Variants in KSR2 observed in about 807,000 individuals in gnomAD.
The protein encoded by KSR2 is kinase suppressor of ras 2.
A neutral mutation model predicts 107.8 loss-of-function variants in KSR2; 25 were observed. That is an observed-to-expected ratio of 0.23 (90% confidence interval 0.17 to 0.32). The LOEUF (loss-of-function observed/expected upper bound fraction) is 0.32. Among genes scored for constraint, KSR2 ranks in the 10% least tolerant of loss-of-function variants. The pLI is 1.00. For synonymous variants in KSR2, 480 were observed against 507.0 expected (o/e 0.95, Z 0.71); for missense variants, 887 against 1,268.9 (o/e 0.70, Z 4.57).
At chr12:117,917,636 T>C (rs1209500502) in intron 1 of KSR2, among the ~76,000 whole-genome samples, 1 of 152,190 alleles carries the variant, frequency 6.6e-6, no homozygotes, top group Non-Finnish European at 1.5e-5. Flanking sequence ...TAGGGGGCTA[T>C]GTGTTGCCAT....
chr12:117,532,203 C>A (rs537669015), intron 10 of KSR2, among the ~76,000 whole-genome samples: 4 of 152,322 alleles, frequency 2.6e-5, no homozygotes, highest in South Asian at 4.1e-4. Context: ...ACAAATGTAT[C>A]CTCCTACAGT....
chr12:117,871,797 T>C (rs1654164019), intron 1 of KSR2, among the ~76,000 whole-genome samples: 1 of 151,766 alleles, frequency 6.6e-6, no homozygotes, highest in South Asian at 2.1e-4. Flanking sequence ...ATTTCTGTCC[T>C]TCTATATCTT....
intron 1 of KSR2, among the ~76,000 whole-genome samples, chr12:117,963,849 G>GTCCAGCA (rs1896724645): frequency 1.3e-5 from 2 of 152,090 alleles, no homozygotes; most frequent in Non-Finnish European, 2.9e-5. Flanking sequence ...CTGGTTTGTT[G>GTCCAGCA]TTCTTGTCCA....
At chr12:117,516,065 C>T (rs542997355) in intron 14 of KSR2, among the ~76,000 whole-genome samples, 2 of 152,266 alleles carry the variant, frequency 1.3e-5, no homozygotes, top group East Asian at 3.9e-4. Flanking sequence ...TTCTTGGTCC[C>T]CTTGCAGAAT....
At chr12:117,632,260 T>C (rs1350876429) in intron 5 of KSR2, among the ~76,000 whole-genome samples, 1 of 126,274 alleles carries the variant, frequency 7.9e-6, no homozygotes, top group Non-Finnish European at 1.6e-5. Flanking sequence ...TATCTCACAC[T>C]GTCACCTGGG....
At chr12:117,704,150 C>A (rs948788621) in intron 4 of KSR2, among the ~76,000 whole-genome samples, 18 of 152,086 alleles carry the variant, frequency 1.2e-4, no homozygotes, top group African/African-American at 4.3e-4. Flanking sequence ...ATATTCATGT[C>A]TTGGTGGTGA....
chr12:117,690,171 A>G (rs1408374762), intron 4 of KSR2, among the ~76,000 whole-genome samples: 2 of 152,236 alleles, frequency 1.3e-5, no homozygotes, highest in Non-Finnish European at 2.9e-5. Flanking sequence ...TACCAAGTCC[A>G]CGAGGGCAAA....
intron 1 of KSR2, among the ~76,000 whole-genome samples, chr12:117,906,407 G>A (rs531805257): frequency 4.8e-5 from 7 of 146,210 alleles, no homozygotes; most frequent in East Asian, 4.1e-4. Context: ...TCAGGAGTTC[G>A]AGACCAGCCT....
At chr12:117,945,635 T>C (rs988248017) in intron 1 of KSR2, among the ~76,000 whole-genome samples, 1 of 152,064 alleles carries the variant, frequency 6.6e-6, no homozygotes, top group African/African-American at 2.4e-5. Flanking sequence ...GGTCGTGCCA[T>C]TGCACTCCAG....
intron 1 of KSR2, among the ~76,000 whole-genome samples, chr12:117,902,439 T>C (rs567795195): frequency 1.4e-5 from 2 of 141,564 alleles, no homozygotes; most frequent in East Asian, 4.1e-4. Context: ...GAGGCTGCAG[T>C]GAGCTGAGAC....
chr12:117,642,963 A>G (rs1029922222), intron 5 of KSR2, among the ~76,000 whole-genome samples: 1 of 152,214 alleles, frequency 6.6e-6, no homozygotes, highest in Non-Finnish European at 1.5e-5. Context: ...TTATCTGCTC[A>G]TTCATCTACT....
At chr12:117,553,253 G>A (rs564397607) in intron 9 of KSR2, among the ~76,000 whole-genome samples, 9 of 152,294 alleles carry the variant, frequency 5.9e-5, no homozygotes, top group South Asian at 4.1e-4. Flanking sequence ...TAAAAATGGC[G>A]GGTGAGATAG....
chr12:117,574,892 G>GGAA (rs1555217747), intron 7 of KSR2, among the ~76,000 whole-genome samples: 2 of 115,350 alleles, frequency 1.7e-5, no homozygotes, highest in South Asian at 3.0e-4. Context: ...TGCTCTGGGT[G>GGAA]AAAAAAAAAA....
chr12:117,642,542 A>G (rs1883425722), intron 5 of KSR2, among the ~76,000 whole-genome samples: 1 of 152,188 alleles, frequency 6.6e-6, no homozygotes, highest in Non-Finnish European at 1.5e-5. Context: ...GACCCTGAGA[A>G]AGCTGCTTAA....
chr12:117,541,063 G>A (rs1389934712), intron 9 of KSR2, among the ~76,000 whole-genome samples: 1 of 152,218 alleles, frequency 6.6e-6, no homozygotes, highest in Non-Finnish European at 1.5e-5. Flanking sequence ...AGTGCACAGG[G>A]CTGCATGAAG....
intron 3 of KSR2, among the ~76,000 whole-genome samples, chr12:117,828,281 T>C (rs2723285): frequency 0.68 from 102,974 of 152,044 alleles, 35,568 homozygotes; most frequent in African/African-American, 0.8. Context: ...AATCACTTGT[T>C]TCAACCTATG....
chr12:117,474,644 T>C lies in KSR2; in HGVS notation c.2582+1820A>G, dbSNP rs75029320. Among the ~76,000 whole-genome samples, 1,081 of 152,258 alleles carry C rather than the reference T, an allele frequency of 7.1e-3. 15 individuals are homozygous for C. Among genetic ancestry groups the C allele is most frequent in the African/African-American group, 0.024 (1,015 of 41,544 alleles). On this transcript the variant is annotated intron_variant, in intron 17 of 19. Coordinates refer to ENST00000339824, the MANE Select transcript of KSR2 (RefSeq NM_173598.6). ...AGCCTAGAAGCCTTTCTGGCTATAT[T>C]TTCTCAGGGCACTCTTCCCTGCATC...
At chr12:117,873,288 T>G (rs1482825178) in intron 1 of KSR2, among the ~76,000 whole-genome samples, 1 of 146,472 alleles carries the variant, frequency 6.8e-6, no homozygotes, top group Non-Finnish European at 1.5e-5. Context: ...GAGGTTGCAG[T>G]GAGCCGATAT....
intron 3 of KSR2, among the ~76,000 whole-genome samples, chr12:117,840,104 T>A (rs1053770975): frequency 3.8e-4 from 51 of 132,600 alleles, no homozygotes; most frequent in Non-Finnish European, 4.8e-4. Flanking sequence ...TATTTTATTT[T>A]ATTTTTTTTT....
Sources: gnomAD v4.1 joint callset for allele counts (sites outside exome capture counted in the v4.1 genomes callset) on GRCh38, gnomAD v4.1.1 for gene constraint, MANE v1.5 for transcripts, NCBI Gene and HGNC (gene_info 2026-07-23, HGNC 2026-07-21) for gene names.